The following CDH13 variants were observed in gnomAD, a reference collection of about 807,000 sequenced individuals.
CDH13 encodes cadherin-13.
In CDH13, 24 loss-of-function variants were observed where a neutral mutation model predicts 63.8. The ratio of observed to expected loss-of-function variants is 0.38; its 90% CI spans 0.27 to 0.53. CDH13 has a LOEUF of 0.53. Among genes scored for constraint, CDH13 ranks in the 20% least tolerant of loss-of-function variants. The pLI, the probability that CDH13 is intolerant of heterozygous loss-of-function variation, is 0.85. For missense variants in CDH13, 1,049 were observed against 903.1 expected, an observed-to-expected ratio of 1.16 and a Z score of -2.07; for synonymous variants, 503 against 355.3, an observed-to-expected ratio of 1.42 and a Z score of -4.67.
chr16:82,782,360 G>C (rs1246194023), intron 1 of CDH13, among the ~76,000 whole-genome samples: 2 of 152,154 alleles, frequency 1.3e-5, no homozygotes, highest in African/African-American at 4.8e-5. Context: ...AGGAGTTGGA[G>C]ACCAGCCTGG....
intron 6 of CDH13, among the ~76,000 whole-genome samples, chr16:83,460,610 A>G (rs994899621): frequency 6.6e-6 from 1 of 152,206 alleles, no homozygotes; most frequent in Non-Finnish European, 1.5e-5. Flanking sequence ...GATTTCATTT[A>G]TATAGAGTTC....
rs150609559 is a variant in CDH13, at chr16:83,309,666, C to T, written c.637-35196C>T. On this transcript the variant is annotated intron_variant, in intron 5 of 13. Coordinates refer to ENST00000567109, the MANE Select transcript of CDH13 (RefSeq NM_001257.5). ...CTGGGATTACAGGCGTGAGCCGCCACGCCCAGCCCCCTCCTTCTGAAACTT... is the reference window on the plus strand; with the variant it reads ...CTGGGATTACAGGCGTGAGCCGCCATGCCCAGCCCCCTCCTTCTGAAACTT... 9.6e-3 allele frequency among the ~76,000 whole-genome samples: 1,466 copies of T among 152,358 alleles called. 7 individuals are homozygous for T. Among genetic ancestry groups the T allele is most frequent in the Non-Finnish European group, 0.011 (743 of 68,034 alleles).
At chr16:83,279,542 C>A (rs2089097393) in intron 5 of CDH13, among the ~76,000 whole-genome samples, 1 of 152,156 alleles carries the variant, frequency 6.6e-6, no homozygotes, top group Non-Finnish European at 1.5e-5. Context: ...GGTATTAAAT[C>A]TCACCTTAAA....
intron 2 of CDH13, among the ~76,000 whole-genome samples, chr16:83,004,967 G>A (rs1196039290): frequency 6.6e-6 from 1 of 152,190 alleles, no homozygotes; most frequent in East Asian, 1.9e-4. Flanking sequence ...GAAACAGACT[G>A]GGAGGAACAG....
intron 5 of CDH13, among the ~76,000 whole-genome samples, chr16:83,221,639 G>T (rs889076484): frequency 6.6e-6 from 1 of 151,004 alleles, no homozygotes; most frequent in African/African-American, 2.4e-5. Context: ...CATCTGTTAG[G>T]CGAGTGGGGG....
chr16:82,812,088 G>T (rs1440969865), intron 1 of CDH13, among the ~76,000 whole-genome samples: 2 of 152,116 alleles, frequency 1.3e-5, no homozygotes, highest in Non-Finnish European at 2.9e-5. Context: ...GCCACCCTTT[G>T]TCTCTATGTA....
intron 3 of CDH13, among the ~76,000 whole-genome samples, chr16:83,069,489 A>T (rs886651286): frequency 2.6e-5 from 4 of 152,202 alleles, no homozygotes; most frequent in African/African-American, 9.6e-5. Flanking sequence ...AGAAATTGTT[A>T]TTGTCATTCT....
intron 4 of CDH13, among the ~76,000 whole-genome samples, 166 bp downstream of exon 4, chr16:83,125,667 T>C (rs905295879): frequency 5.9e-5 from 9 of 152,344 alleles, no homozygotes; most frequent in Non-Finnish European, 7.4e-5. Flanking sequence ...ATCATTCATA[T>C]GCAAAAGAGG....
chr16:82,797,396 G>C (rs2036635364), intron 1 of CDH13, among the ~76,000 whole-genome samples: 1 of 152,164 alleles, frequency 6.6e-6, no homozygotes. Context: ...CTGGACCAAA[G>C]GACTCGAGCT....
chr16:82,922,209 C>T (rs896232558), intron 2 of CDH13, among the ~76,000 whole-genome samples: 1 of 152,186 alleles, frequency 6.6e-6, no homozygotes, highest in South Asian at 2.1e-4. Context: ...TTTCAAAGAG[C>T]AAATTTTTGG....
At chr16:82,944,127 G>A (rs886936587) in intron 2 of CDH13, among the ~76,000 whole-genome samples, 3 of 152,172 alleles carry the variant, frequency 2.0e-5, no homozygotes, top group Non-Finnish European at 4.4e-5. Context: ...TGTCATTAGA[G>A]ATCAGGAGAA....
chr16:82,684,510 A>T (rs527892444), intron 1 of CDH13, among the ~76,000 whole-genome samples: 1 of 152,150 alleles, frequency 6.6e-6, no homozygotes, highest in East Asian at 1.9e-4. Flanking sequence ...ACGGGTAGAG[A>T]AGTTATGTCA....
intron 2 of CDH13, among the ~76,000 whole-genome samples, chr16:83,014,661 G>T (rs1350712386): frequency 6.8e-6 from 1 of 146,396 alleles, no homozygotes; most frequent in Non-Finnish European, 1.5e-5. Context: ...AACCTGGGAG[G>T]CAGAGGTTGC....
At chr16:83,657,177 T>G (rs1376461836) in intron 8 of CDH13, among the ~76,000 whole-genome samples, 2 of 152,204 alleles carry the variant, frequency 1.3e-5, no homozygotes, top group Non-Finnish European at 2.9e-5. Context: ...TCCAGCTCAT[T>G]GTAAAGAAAC....
At chr16:83,432,945 C>G (rs1181084279) in intron 6 of CDH13, among the ~76,000 whole-genome samples, 1 of 152,196 alleles carries the variant, frequency 6.6e-6, no homozygotes, top group South Asian at 2.1e-4. Context: ...ATAAGAATTA[C>G]TTTCACTTTA....
intron 4 of CDH13, among the ~76,000 whole-genome samples, chr16:83,177,320 G>T (rs1257702791): frequency 6.6e-6 from 1 of 152,112 alleles, no homozygotes; most frequent in African/African-American, 2.4e-5. Context: ...TTCTTCAAAG[G>T]TAGGGACTAA....
chr16:83,283,538 C>T (rs1288162416), intron 5 of CDH13, among the ~76,000 whole-genome samples: 1 of 152,124 alleles, frequency 6.6e-6, no homozygotes, highest in African/African-American at 2.4e-5. Context: ...TTGCAGTGAG[C>T]CAAGATTGCG....
At chr16:83,395,266 A>T (rs2091865788) in intron 6 of CDH13, among the ~76,000 whole-genome samples, 1 of 151,604 alleles carries the variant, frequency 6.6e-6, no homozygotes, top group South Asian at 2.1e-4. Context: ...GTGAGCCAAG[A>T]CTGTGCCACT....
At chr16:83,099,433 C>T (rs1372875004) in intron 3 of CDH13, among the ~76,000 whole-genome samples, 1 of 151,748 alleles carries the variant, frequency 6.6e-6, no homozygotes, top group Non-Finnish European at 1.5e-5. Context: ...AAGTGATTCT[C>T]CTGCCTCAGC....
Sources: allele counts gnomAD v4.1 joint callset (sites outside exome capture counted in the v4.1 genomes callset), GRCh38; gene constraint gnomAD v4.1.1; transcripts MANE v1.5; gene names NCBI Gene and HGNC (gene_info 2026-07-23, HGNC 2026-07-21).